ANOS1: variants seen among roughly 807,000 people sequenced by gnomAD.
The protein encoded by ANOS1 is anosmin-1.
Under a neutral mutation model 59.0 loss-of-function variants are expected in ANOS1, and 6 were observed. That is an observed-to-expected ratio of 0.10 (90% CI 0.06 to 0.20). The LOEUF (loss-of-function observed/expected upper bound fraction) is 0.20. ANOS1 is among the 10% of genes least tolerant of loss of function. ANOS1 has a pLI of 1.00. For missense variants in ANOS1, 433 were observed against 542.3 expected (o/e 0.80, Z 2.00); for synonymous variants, 217 against 223.4 (o/e 0.97, Z 0.25).
chrX:8,727,989 T>C (rs1042613943), intron 1 of ANOS1, among the ~76,000 whole-genome samples: 3 of 112,814 alleles, frequency 2.7e-5, no homozygotes, highest in African/African-American at 9.7e-5. Flanking sequence ...CAGAAGCAAG[T>C]GGCAGAAGAA....
intron 2 of ANOS1, among the ~76,000 whole-genome samples, chrX:8,645,405 C>G (rs919020809): frequency 9.0e-6 from 1 of 111,657 alleles, no homozygotes; most frequent in Non-Finnish European, 1.9e-5. Context: ...TCTCGTGTGG[C>G]CCCTCAGACC....
At chrX:8,596,996 A>T in intron 4 of ANOS1, 38 bp downstream of exon 4, 1 of 1,210,434 alleles carries the variant, frequency 8.3e-7, no homozygotes, top group Non-Finnish European at 1.1e-6. Context: ...TATATGTGAC[A>T]CTGCATGTGT....
intron 6 of ANOS1, among the ~76,000 whole-genome samples, chrX:8,576,421 T>G (rs1930321711): frequency 9.1e-6 from 1 of 109,341 alleles, no homozygotes; most frequent in Admixed American, 1.0e-4. Context: ...GTTTTAGAAT[T>G]TTGAAATGTA....
intron 3 of ANOS1, among the ~76,000 whole-genome samples, chrX:8,616,564 A>G (rs973368760): frequency 3.6e-5 from 4 of 111,480 alleles, no homozygotes; most frequent in Non-Finnish European, 7.5e-5. Flanking sequence ...CATCTGAAAC[A>G]TGCCATGCTC....
At chrX:8,701,072 G>A (rs764273350) in intron 1 of ANOS1, among the ~76,000 whole-genome samples, 78 of 111,169 alleles carry the variant, frequency 7.0e-4, no homozygotes, top group African/African-American at 2.5e-3. Flanking sequence ...TAGAATTGCT[G>A]TATTCCACAT....
chrX:8,534,544 TC>T, intron 12 of ANOS1, 84 bp from the exon 13 acceptor site: 1 of 996,465 alleles, frequency 1.0e-6, no homozygotes, highest in Admixed American at 2.4e-5. Context: ...GAACAGTTTT[TC>T]CCCCACTGGA....
intron 2 of ANOS1, among the ~76,000 whole-genome samples, chrX:8,685,605 AAAG>A (rs1569082590): frequency 1.6e-5 from 1 of 63,675 alleles, no homozygotes; most frequent in African/African-American, 8.1e-5. Flanking sequence ...AGGAAGAAAG[AAAG>A]AAAGAAAGAA....
chrX:8,636,792 A>G (rs1270971194), intron 2 of ANOS1, among the ~76,000 whole-genome samples: 1 of 112,009 alleles, frequency 8.9e-6, no homozygotes, highest in Non-Finnish European at 1.9e-5. Flanking sequence ...CTTTGTCAAC[A>G]TGAAAGCTCC....
intron 3 of ANOS1, among the ~76,000 whole-genome samples, chrX:8,610,496 C>A (rs1163375576): frequency 8.9e-6 from 1 of 111,956 alleles, no homozygotes; most frequent in African/African-American, 3.2e-5. Context: ...TGTGGGCAGA[C>A]TGTAAAGCAG....
At chrX:8,600,640 A>G (rs1201667725) in intron 3 of ANOS1, among the ~76,000 whole-genome samples, 1 of 112,320 alleles carries the variant, frequency 8.9e-6, no homozygotes, top group Non-Finnish European at 1.9e-5. Context: ...CAAGGCTTTT[A>G]TCTCTTACTC....
At chrX:8,537,019 A>G in intron 10 of ANOS1, 77 bp from the exon 11 acceptor site, 1 of 874,856 alleles carries the variant, frequency 1.1e-6, no homozygotes, top group South Asian at 2.1e-5. Context: ...AATTGAAATC[A>G]TATTCCATCC....
Position 8,554,154 on chromosome X carries a change from G to T in ANOS1, c.1208-56C>A. 7.2e-6 allele frequency: 7 copies of T among 977,270 alleles called. No homozygotes were observed. The South Asian group carries it at 1.4e-4, about 19-fold the overall frequency. 80.5% of individuals were successfully genotyped at this position (977,270 alleles called of 1,213,427 possible). A position where few individuals can be genotyped will look rare whatever the true frequency, so the allele number is the denominator to read the frequency against. On this transcript the variant is annotated intron_variant, in intron 8 of 13. Coordinates refer to ENST00000262648, the MANE Select transcript of ANOS1 (RefSeq NM_000216.4). ...TGTTAAAAGTAATTATAGATTCCTGGGCAAGATGGCCAAATAGGAACAGCT... is the reference window on the plus strand; with the variant it reads ...TGTTAAAAGTAATTATAGATTCCTGTGCAAGATGGCCAAATAGGAACAGCT...
At chrX:8,545,414 AGGC>A (rs2146792153) in intron 9 of ANOS1, among the ~76,000 whole-genome samples, 2 of 107,522 alleles carry the variant, frequency 1.9e-5, no homozygotes, top group African/African-American at 7.1e-5. Context: ...GAAGGAAGGC[AGGC>A]AGGCAGGCAG....
chrX:8,594,701 CATATATAT>C (rs766705328), intron 4 of ANOS1, among the ~76,000 whole-genome samples: 2 of 46,716 alleles, frequency 4.3e-5, no homozygotes, highest in African/African-American at 8.7e-5. Context: ...TATATATACA[CATATATAT>C]ACACATATAT....
intron 6 of ANOS1, among the ~76,000 whole-genome samples, chrX:8,573,056 ATTTTTTTTT>A (rs34564264): frequency 1.2e-5 from 1 of 81,178 alleles, no homozygotes. Flanking sequence ...ACTCTACTGG[ATTTTTTTTT>A]TTTTTTTTTT....
rs758529404 is a variant in ANOS1, at chrX:8,604,900, T to G, written c.319-7644A>C. 1.2e-4 allele frequency among the ~76,000 whole-genome samples: 14 copies of G among 112,979 alleles called. No individual in the cohort carries two copies. In the South Asian group the frequency reaches 5.1e-3, roughly 41 times the overall value. ...AAAATAGCACATGCTCTTCCTTTTG[T>G]ATTTTCACTATATTAAAAAGCAACA... is the stretch of plus-strand genomic sequence containing the variant. On this transcript the variant is annotated intron_variant, in intron 3 of 13. Transcript: ENST00000262648.
intron 3 of ANOS1, among the ~76,000 whole-genome samples, chrX:8,605,384 A>AAAATGTG (rs1206439496): frequency 1.8e-5 from 2 of 111,809 alleles, no homozygotes; most frequent in Non-Finnish European, 3.8e-5. Context: ...ACAAAAATAT[A>AAAATGTG]AAATGTGAAA....
chrX:8,613,665 G>C (rs1931107276), intron 3 of ANOS1, among the ~76,000 whole-genome samples: 1 of 110,597 alleles, frequency 9.0e-6, no homozygotes, highest in Admixed American at 9.6e-5. Context: ...TTTTAAAACA[G>C]GGTCTCACTC....
intron 1 of ANOS1, among the ~76,000 whole-genome samples, chrX:8,711,846 G>T (rs1932814765): frequency 8.9e-6 from 1 of 112,860 alleles, no homozygotes; most frequent in African/African-American, 3.2e-5. Flanking sequence ...GTTGTTTCAA[G>T]TCTTTGCAAA....
Sources: allele counts gnomAD v4.1 joint callset (sites outside exome capture counted in the v4.1 genomes callset), GRCh38; gene constraint gnomAD v4.1.1; transcripts MANE v1.5; gene names NCBI Gene and HGNC (gene_info 2026-07-23, HGNC 2026-07-21).